GTF3C3: variants seen among roughly 807,000 people sequenced by gnomAD.
GTF3C3 encodes general transcription factor 3C polypeptide 3.
GTF3C3 carries 75 observed loss-of-function variants against 105.2 expected under a neutral mutation model. The ratio of observed to expected loss-of-function variants is 0.71; its 90% CI spans 0.59 to 0.86. The LOEUF (loss-of-function observed/expected upper bound fraction) is 0.86. Ranked by LOEUF, GTF3C3 falls within the 40% of genes least tolerant of loss-of-function variation. The pLI, the probability that GTF3C3 is intolerant of heterozygous loss-of-function variation, is 0.00. For synonymous variants in GTF3C3, 335 were observed against 370.4 expected (o/e 0.90, Z 1.10); for missense variants, 856 against 1,076.5 (o/e 0.80, Z 2.87).
chr2:196,767,071 A>C (rs572407731), intron 16 of GTF3C3: 4 of 162,040 alleles, frequency 2.5e-5, no homozygotes, highest in African/African-American at 7.2e-5. Context: ...TTGACGCCTA[A>C]AAGATTGAGC....
Position 196,780,643 on chromosome 2 carries a change from G to A in GTF3C3, c.1134C>T (p.Cys378=), listed in dbSNP as rs1399268904. Residue 378 remains cysteine (C), a synonymous_variant, in exon 9 of 18, where the codon TGC becomes TGT. Transcript: ENST00000263956. The part of the protein sequence containing the change: ...EENKAPENVT[C]TIPDGVPIDI... ...CTATTGGCACGCCATCAGGTATAGTGCAGGTAACATTCTCAGGAGCTGGAG... is the reference window on the plus strand; with the variant it reads ...CTATTGGCACGCCATCAGGTATAGTACAGGTAACATTCTCAGGAGCTGGAG... 8.1e-6 allele frequency: 13 copies of A among 1,612,096 alleles called. No homozygotes were observed. The highest frequency in any genetic ancestry group is 1.1e-5 in the Non-Finnish European group (13 of 1,178,690).
Position 196,772,792 on chromosome 2 carries a change from G to A in GTF3C3, c.2069+124C>T, listed in dbSNP as rs575760931. 6.7e-6 allele frequency: 4 copies of A among 597,210 alleles called. 1 individual carries two copies. In the South Asian group the frequency reaches 9.7e-5, roughly 14 times the overall value. 37.0% of individuals were successfully genotyped at this position (597,210 alleles called of 1,614,324 possible). Reference sequence around the variant, plus strand: ...GTGCATCTTCTTATATACTGCCTCTGGGAATCACCAATTAACCAGTTTATT... The same window carrying A: ...GTGCATCTTCTTATATACTGCCTCTAGGAATCACCAATTAACCAGTTTATT... On this transcript the variant is annotated intron_variant, in intron 14 of 17. Coordinates refer to ENST00000263956, the MANE Select transcript of GTF3C3 (RefSeq NM_012086.5).
At position 196,784,882 on chromosome 2, in the gene GTF3C3, T is replaced by C. The variant is rs1365104786; in HGVS notation, c.1089A>G (p.Glu363=). 1.2e-6 allele frequency: 2 copies of C among 1,611,642 alleles called. No individual in the cohort carries two copies. Among genetic ancestry groups the C allele is most frequent in the Non-Finnish European group, 8.5e-7 (1 of 1,178,538 alleles). ...CTTTATTCTCTTCTGAGGTGCCTTC[T>C]TCTGAAGTTTTTTTTTCCAGCACAA... The part of the protein sequence containing the change: ...SGIVLEKKTS[E]EGTSEENKAP... The change falls in exon 8 of 18, where the codon GAA becomes GAG. Residue 363 remains glutamate, a synonymous_variant. Coordinates refer to ENST00000263956, the MANE Select transcript of GTF3C3 (RefSeq NM_012086.5).
At chr2:196,771,668 A>G in intron 15 of GTF3C3, 80 bp downstream of exon 15, 1 of 925,282 alleles carries the variant, frequency 1.1e-6, no homozygotes, top group Admixed American at 1.9e-5. Flanking sequence ...CTGATAATTA[A>G]CCCAGACAGT....
intron 4 of GTF3C3, among the ~76,000 whole-genome samples, chr2:196,790,956 A>T (rs1254824609): frequency 6.6e-6 from 1 of 152,212 alleles, no homozygotes; most frequent in Non-Finnish European, 1.5e-5. Flanking sequence ...AGATAAGATG[A>T]CAAGTTTAAA....
intron 1 of GTF3C3, among the ~76,000 whole-genome samples, chr2:196,798,918 C>A (rs189222690): frequency 6.6e-6 from 1 of 150,388 alleles, no homozygotes. Flanking sequence ...AAAAAGGTTG[C>A]ATTACTTTTA....
At position 196,764,279 on chromosome 2, in the gene GTF3C3, T is replaced by C. The variant is rs935178877; in HGVS notation, c.*284A>G. On this transcript the variant is annotated 3_prime_UTR_variant, in exon 18 of 18. Coordinates refer to ENST00000263956, the MANE Select transcript of GTF3C3 (RefSeq NM_012086.5). ...ATGGTGTGAGTGAAAAATAGTGTAT[T>C]CGACTCCAAGCTAGCTCAAAGGCTT... The C allele has an allele frequency of 4.3e-6, 1 of 233,632 alleles. No individual in the cohort carries two copies. Among genetic ancestry groups the C allele is most frequent in the Non-Finnish European group, 8.4e-6 (1 of 119,236 alleles). 14.5% of individuals were successfully genotyped at this position (233,632 alleles called of 1,614,324 possible).
rs1699003281 is a variant in GTF3C3, at chr2:196,763,365, C to T, written c.*1198G>A. On this transcript the variant is annotated 3_prime_UTR_variant, in exon 18 of 18. Coordinates refer to ENST00000263956, the MANE Select transcript of GTF3C3 (RefSeq NM_012086.5). ...AATGCTCAGTTCCACAGAATTCCAA[C>T]ACACAAGTCTAACTTATTACTGTAT... The T allele has an allele frequency of 6.6e-6, 1 of 152,162 alleles. No individual in the cohort carries two copies. Among genetic ancestry groups the T allele is most frequent in the Non-Finnish European group, 1.5e-5 (1 of 68,024 alleles). 9.4% of individuals were successfully genotyped at this position (152,162 alleles called of 1,614,324 possible). A position where few individuals can be genotyped will look rare whatever the true frequency, so the allele number is the denominator to read the frequency against.
In GTF3C3 at chr2:196,776,652, C is replaced by T. The variant is rs758699896; in HGVS notation, c.1391-23G>A. 4.5e-6 allele frequency: 7 copies of T among 1,545,332 alleles called. No individual in the cohort carries two copies. The highest frequency in any genetic ancestry group is 1.1e-5 in the South Asian group (1 of 88,236). The stretch of plus-strand genomic sequence containing the variant: ...ATTCTAAGATGATGTTAAAATAAAG[C>T]AAAAGTATGAACTACAGATTTGTAA... On this transcript the variant is annotated intron_variant, in intron 10 of 17. Transcript: ENST00000263956. This position sits in a 1 kb window ranked among gnomAD's most constrained non-coding sequence, Gnocchi z 4.5.
At chr2:196,791,277 C>A (rs567335792) in intron 4 of GTF3C3, 60 bp downstream of exon 4, 3 of 1,536,100 alleles carry the variant, frequency 2.0e-6, no homozygotes, top group African/African-American at 2.7e-5. Context: ...AGTGCTCCCC[C>A]ATTTGTTTTA....
chr2:196,778,848 TG>T, intron 10 of GTF3C3, 47 bp downstream of exon 10: 1 of 1,519,274 alleles, frequency 6.6e-7, no homozygotes, highest in Non-Finnish European at 9.1e-7. Context: ...AGTAAGTTCT[TG>T]GCTGCTTATA....
intron 17 of GTF3C3, among the ~76,000 whole-genome samples, chr2:196,765,787 G>A (rs1397747484): frequency 1.3e-5 from 2 of 151,802 alleles, no homozygotes; most frequent in South Asian, 2.1e-4. Context: ...GAGGCGGGCG[G>A]ATCACAAGGT....
intron 2 of GTF3C3, among the ~76,000 whole-genome samples, chr2:196,793,443 A>T (rs2125751560): frequency 6.6e-6 from 1 of 152,280 alleles, no homozygotes; most frequent in Middle Eastern, 3.4e-3. Context: ...AAAATAGAAG[A>T]ATTATAAGAC....
chr2:196,779,133 T>C, intron 9 of GTF3C3, 66 bp from the exon 10 acceptor site: 1 of 1,168,500 alleles, frequency 8.6e-7, no homozygotes, highest in Non-Finnish European at 1.2e-6. Context: ...TCTATAGCTT[T>C]TTTTTTTTTT....
At chr2:196,781,305 G>A (rs1699345498) in intron 8 of GTF3C3, among the ~76,000 whole-genome samples, 1 of 116,614 alleles carries the variant, frequency 8.6e-6, no homozygotes, top group South Asian at 2.8e-4. Flanking sequence ...TTCCACATAT[G>A]CAGATTCAAT....
intron 8 of GTF3C3, among the ~76,000 whole-genome samples, chr2:196,783,978 G>C (rs1257637663): frequency 6.6e-6 from 1 of 152,102 alleles, no homozygotes; most frequent in African/African-American, 2.4e-5. Context: ...CTCACCTTGG[G>C]CCTTACTCTC....
At chr2:196,767,794 A>C (rs952724199) in intron 16 of GTF3C3, among the ~76,000 whole-genome samples, 3 of 152,252 alleles carry the variant, frequency 2.0e-5, no homozygotes, top group Non-Finnish European at 4.4e-5. Flanking sequence ...GGAAAAAGGA[A>C]TAGTAATCTC....
intron 1 of GTF3C3, 89 bp downstream of exon 1, chr2:196,799,421 T>A (rs1469096398): frequency 1.1e-6 from 1 of 946,336 alleles, no homozygotes; most frequent in East Asian, 2.4e-5. Flanking sequence ...GCCCGCCCCA[T>A]CACAGTGAAA....
intron 12 of GTF3C3, 59 bp downstream of exon 12, chr2:196,775,951 T>C (rs1420059743): frequency 1.4e-6 from 1 of 734,734 alleles, no homozygotes; most frequent in African/African-American, 1.8e-5. Context: ...TATGTTTAAA[T>C]GAAATACTAA....
Sources: allele counts gnomAD v4.1 joint callset (sites outside exome capture counted in the v4.1 genomes callset), GRCh38; gene constraint gnomAD v4.1.1; non-coding constraint Gnocchi (gnomAD v3.1); transcripts MANE v1.5; gene names NCBI Gene and HGNC (gene_info 2026-07-23, HGNC 2026-07-21).